MYOF: variants seen among roughly 807,000 people sequenced by gnomAD.
The protein encoded by MYOF is fer-1-like 3, myoferlin.
Under a neutral mutation model 284.2 loss-of-function variants are expected in MYOF, and 244 were observed. The observed-to-expected ratio is 0.86, with a 90% CI of 0.77 to 0.95. The LOEUF (loss-of-function observed/expected upper bound fraction) is 0.95. MYOF is among the 40% of genes least tolerant of loss of function. The probability of loss-of-function intolerance (pLI) is 0.00; values close to 1 mark genes in which losing one functional copy is unlikely to be tolerated. For missense variants in MYOF, 2,496 were observed against 2,560.6 expected (o/e 0.97, Z 0.54); for synonymous variants, 904 against 919.7 (o/e 0.98, Z 0.31).
intron 5 of MYOF, among the ~76,000 whole-genome samples, chr10:93,419,226 A>G (rs1256949386): frequency 4.0e-5 from 6 of 151,824 alleles, no homozygotes; most frequent in Non-Finnish European, 8.8e-5. Context: ...GCCATGGCGC[A>G]ATCTCGGCTC....
chr10:93,431,346 T>C (rs1002110432), intron 4 of MYOF, 62 bp downstream of exon 4: 25 of 1,458,976 alleles, frequency 1.7e-5, no homozygotes, highest in Non-Finnish European at 2.2e-5. Context: ...GACCTTTTTC[T>C]TAATGAAATT....
Position 93,379,870 on chromosome 10 carries a change from T to G in MYOF, c.1994A>C (p.Glu665Ala). The G allele has an allele frequency of 6.2e-7, 1 of 1,613,636 alleles. No individual in the cohort carries two copies. Among genetic ancestry groups the G allele is most frequent in the Non-Finnish European group, 8.5e-7 (1 of 1,179,620 alleles). Residue 665 changes from glutamate (E) to alanine (A), a missense_variant, in exon 21 of 54, where the codon GAA (glutamate) becomes GCA (alanine). Physicochemically the swap from Glu to Ala is moderately radical, Grantham distance 107. Coordinates refer to ENST00000359263, the MANE Select transcript of MYOF (RefSeq NM_013451.4). ...DAVNTLLAMA[E>A]RLQTNIEALK... ...AGAAAAAGAGAAACTTACCAGCCGTTCTGCCATAGCTAGGAGAGTGTTCAC... is the reference window on the plus strand; with the variant it reads ...AGAAAAAGAGAAACTTACCAGCCGTGCTGCCATAGCTAGGAGAGTGTTCAC...
At position 93,351,261 on chromosome 10, in the gene MYOF, C is replaced by T. The variant is rs567501010; in HGVS notation, c.3857G>A (p.Arg1286Lys). Reference protein sequence around the residue: ...GSNLPILPPQRAPNLYMVPQG... With the variant: ...GSNLPILPPQKAPNLYMVPQG... ...GGGGACCATGTATAGATTTGGCGCC[C>T]TTTGAGGGGGAAGAATGGGAAGGTT... The change falls in exon 35 of 54, where the codon AGG becomes AAG. Residue 1286 changes from arginine to lysine, a missense_variant. Physicochemically the swap from Arg to Lys is conservative, Grantham distance 26 (BLOSUM62 2). Around this residue, in one of 3 missense-constraint regions of MYOF, gnomAD observed 2,436 missense variants for 2,480.7 expected, o/e 0.98. Transcript: ENST00000359263. 4 of 1,613,692 alleles carry T rather than the reference C, an allele frequency of 2.5e-6. No homozygotes were observed. In the East Asian group the frequency reaches 6.7e-5, roughly 27 times the overall value.
intron 45 of MYOF, 146 bp from the exon 46 acceptor site, chr10:93,326,111 G>C (rs1286293806): frequency 1.9e-6 from 2 of 1,078,694 alleles, no homozygotes; most frequent in Non-Finnish European, 2.7e-6. Flanking sequence ...TGTGAAGGAA[G>C]AGTTGACAGA....
At position 93,378,693 on chromosome 10, in the gene MYOF, G is replaced by GTGTGTATATATATATATATATATATATA; in HGVS notation, c.2001+1169_2001+1170insTATATATATATATATATATATATACACA. Among the ~76,000 whole-genome samples the GTGTGTATATATATATATATATATATATA allele has an allele frequency of 7.4e-4, 65 of 87,858 alleles. 1 individual carries two copies. Among genetic ancestry groups the GTGTGTATATATATATATATATATATATA allele is most frequent in the African/African-American group, 1.4e-3 (30 of 20,784 alleles). The allele number at this position is 87,858 out of a possible 152,430, so 57.6% of individuals were successfully genotyped here. ...TATGTGTGTGTGTATGTGTGTGTGT[G>GTGTGTATATATATATATATATATATATA]TATATATATATATATATATATATGT... On this transcript the variant is annotated intron_variant, in intron 21 of 53. Coordinates refer to ENST00000359263, the MANE Select transcript of MYOF (RefSeq NM_013451.4).
chr10:93,426,132 A>C lies in MYOF; in HGVS notation c.372T>G (p.Tyr124Ter), dbSNP rs1353163207. ...TGATIDLVIG[Y>*]DPPSAPHPND... ...TTGGATGTGGAGCAGAAGGCGGATCATAGCCGATCACCAAGTCAATGGTGG... is the reference window on the plus strand; with the variant it reads ...TTGGATGTGGAGCAGAAGGCGGATCCTAGCCGATCACCAAGTCAATGGTGG... The change falls in exon 5 of 54, where the codon TAT becomes TAG. Residue 124 changes from tyrosine (Y) to a stop codon, truncating the protein, a stop_gained. Coordinates refer to ENST00000359263, the MANE Select transcript of MYOF (RefSeq NM_013451.4). LOFTEE classifies it high-confidence loss of function. The C allele has an allele frequency of 6.4e-7, 1 of 1,560,276 alleles. No individual in the cohort carries two copies. The highest frequency in any genetic ancestry group is 1.4e-5 in the African/African-American group (1 of 73,636).
chr10:93,367,868 A>G (rs949435399), intron 25 of MYOF, among the ~76,000 whole-genome samples: 5 of 152,108 alleles, frequency 3.3e-5, no homozygotes, highest in Admixed American at 2.6e-4. Flanking sequence ...TAGCACATGA[A>G]GGCAAGAGCC....
chr10:93,372,082 G>C (rs1279107360), intron 24 of MYOF, among the ~76,000 whole-genome samples: 1 of 152,218 alleles, frequency 6.6e-6, no homozygotes, highest in Non-Finnish European at 1.5e-5. Context: ...AGAGCAATGA[G>C]TAAATTTATT....
intron 3 of MYOF, among the ~76,000 whole-genome samples, chr10:93,442,926 A>AG (rs1432037268): frequency 2.6e-5 from 4 of 152,236 alleles, no homozygotes; most frequent in East Asian, 1.9e-4. Flanking sequence ...TGGGAGGCCG[A>AG]GGGGGGCGGG....
intron 5 of MYOF, among the ~76,000 whole-genome samples, chr10:93,421,140 C>G (rs962511382): frequency 6.6e-6 from 1 of 152,056 alleles, no homozygotes; most frequent in Non-Finnish European, 1.5e-5. Context: ...TTGTTTGAAC[C>G]GGGGAGGTGG....
intron 24 of MYOF, 78 bp from the exon 25 acceptor site, chr10:93,369,854 A>G (rs1845507292): frequency 6.4e-7 from 1 of 1,550,444 alleles, no homozygotes; most frequent in African/African-American, 1.4e-5. Flanking sequence ...CCAAAAACAG[A>G]GGGAACATCT....
chr10:93,369,646 A>G lies in MYOF; in HGVS notation c.2588T>C (p.Met863Thr), dbSNP rs377741160. 8 of 1,614,134 alleles carry G rather than the reference A, an allele frequency of 5.0e-6. No homozygotes were observed. The highest frequency in any genetic ancestry group is 1.1e-5 in the South Asian group (1 of 91,080). ...AEGTFTVFAE[M>T]YENQALMFGK... ...AGATAGTGAAATCATTAAAGGTACC[A>G]TTTCAGCAAAGACGGTGAAAGTTCC... is the stretch of plus-strand genomic sequence containing the variant. Residue 863 changes from methionine (M) to threonine (T), a missense_variant and splice_region_variant, in exon 25 of 54, where the codon ATG becomes ACG. Around this residue, in one of 3 missense-constraint regions of MYOF, gnomAD observed 2,436 missense variants for 2,480.7 expected, o/e 0.98. Coordinates refer to ENST00000359263, the MANE Select transcript of MYOF (RefSeq NM_013451.4).
intron 39 of MYOF, among the ~76,000 whole-genome samples, chr10:93,338,933 A>C (rs566831520): frequency 2.8e-4 from 41 of 148,094 alleles, no homozygotes; most frequent in Non-Finnish European, 4.1e-4. Flanking sequence ...GCCAAAAAAA[A>C]AAACAAACAA....
intron 5 of MYOF, among the ~76,000 whole-genome samples, chr10:93,412,982 G>A (rs571119690): frequency 2.6e-5 from 4 of 152,152 alleles, no homozygotes; most frequent in African/African-American, 4.8e-5. Context: ...CAGCGAAGAC[G>A]AACTTCCTTC....
chr10:93,401,574 A>G (rs752769459), intron 11 of MYOF, 30 bp from the exon 12 acceptor site: 2 of 1,607,914 alleles, frequency 1.2e-6, no homozygotes, highest in Non-Finnish European at 1.7e-6. Flanking sequence ...TAAATTATAC[A>G]TACAGAAAAG....
At position 93,383,195 on chromosome 10, in the gene MYOF, C is replaced by T. The variant is rs1419848138; in HGVS notation, c.1699-1799G>A. Among the ~76,000 whole-genome samples the T allele has an allele frequency of 5.9e-5, 9 of 152,276 alleles. No homozygotes were observed. The East Asian group carries it at 1.7e-3, about 29-fold the overall frequency. On this transcript the variant is annotated intron_variant, in intron 19 of 53. Transcript: ENST00000359263. ...TACAGGCATGAGCCACCGTGCCTGG[C>T]TGGAATTTTTAAATTTTTAAGGACT...
chr10:93,415,717 C>T (rs1848089199), intron 5 of MYOF, among the ~76,000 whole-genome samples: 1 of 152,114 alleles, frequency 6.6e-6, no homozygotes, highest in Admixed American at 6.6e-5. Context: ...GACTTGAAGC[C>T]AACTCTTCCG....
chr10:93,312,220 G>A (rs1842419602), intron 51 of MYOF, among the ~76,000 whole-genome samples: 1 of 152,164 alleles, frequency 6.6e-6, no homozygotes, highest in Non-Finnish European at 1.5e-5. Flanking sequence ...TTCGTGATAT[G>A]GCATGGTAAC....
intron 5 of MYOF, among the ~76,000 whole-genome samples, chr10:93,414,941 G>A (rs2797557): frequency 0.95 from 145,030 of 152,134 alleles, 69,413 homozygotes; most frequent in East Asian, 1. Flanking sequence ...ACGGGGTTTC[G>A]CCATGTTGGC....
Sources: gnomAD v4.1 joint callset for allele counts (sites outside exome capture counted in the v4.1 genomes callset) on GRCh38, gnomAD v4.1.1 for gene constraint, gnomAD v4.1.1 regional missense constraint, MANE v1.5 for transcripts, NCBI Gene and HGNC (gene_info 2026-07-23, HGNC 2026-07-21) for gene names.